The following ESPN variants were observed in gnomAD, a reference collection of about 807,000 sequenced individuals.
ESPN encodes the protein espin.
ESPN carries 68 observed loss-of-function variants against 77.7 expected under a neutral mutation model. The observed-to-expected ratio is 0.87, with a 90% CI of 0.72 to 1.07. The LOEUF is 1.07. Among genes scored for constraint, ESPN ranks in the 50% least tolerant of loss-of-function variants. The pLI is 0.00. For synonymous variants in ESPN, 449 were observed against 567.1 expected (o/e 0.79, Z 2.96); for missense variants, 1,060 against 1,239.0 (o/e 0.86, Z 2.17).
rs1643951973 is a variant in ESPN, at chr1:6,451,918, T to C, written c.2147T>C (p.Leu716Pro). 1 of 1,610,890 alleles carries C rather than the reference T, an allele frequency of 6.2e-7. No homozygotes were observed. The highest frequency in any genetic ancestry group is 8.5e-7 in the Non-Finnish European group (1 of 1,178,908). Residue 716 changes from leucine (L) to proline (P), a missense_variant, in exon 10 of 13, where the codon CTC becomes CCC. Leu to Pro is a moderately conservative substitution (Grantham distance 98). Transcript: ENST00000645284. This position sits in a 1 kb window ranked among gnomAD's most constrained non-coding sequence, Gnocchi z 4.3. ...TPPAAGFQPLLNGSLVPVPPT... is the reference protein window; with the variant it reads ...TPPAAGFQPLPNGSLVPVPPT... Reference sequence around the variant, plus strand: ...CCAGCTGCGGGGTTTCAGCCGCTGCTCAATGGAAGCTTGGTTCCCGTGCCG... The same window carrying C: ...CCAGCTGCGGGGTTTCAGCCGCTGCCCAATGGAAGCTTGGTTCCCGTGCCG...
intron 6 of ESPN, among the ~76,000 whole-genome samples, chr1:6,445,396 G>A (rs1643792491): frequency 6.6e-6 from 1 of 152,234 alleles, no homozygotes; most frequent in South Asian, 2.1e-4. Context: ...CCTTCCAGGT[G>A]ACCCTGCCCT....
chr1:6,454,718 G>T (rs1490003680), intron 10 of ESPN: 2 of 398,052 alleles, frequency 5.0e-6, no homozygotes, highest in Admixed American at 8.8e-5. Flanking sequence ...CCGCCAGCCT[G>T]CCCGCCTGGT....
In ESPN at chr1:6,444,570, G is replaced by C; in HGVS notation, c.1080G>C (p.Thr360=). The change falls in exon 6 of 13, where the codon ACG becomes ACC. Residue 360 remains threonine, a synonymous_variant. Transcript: ENST00000645284. ...PDSGMSSPNT[T]VSVQPLNFDL... is the part of the protein sequence containing the mutation. ...CAGGCATGTCCTCACCCAATACCACGGTGTCGGTCCAGCCGCTGAACTTTG... is the reference window on the plus strand; with the variant it reads ...CAGGCATGTCCTCACCCAATACCACCGTGTCGGTCCAGCCGCTGAACTTTG... 1.9e-6 allele frequency: 3 copies of C among 1,614,200 alleles called. No homozygotes were observed. The highest frequency in any genetic ancestry group is 2.5e-6 in the Non-Finnish European group (3 of 1,180,028).
At chr1:6,432,592 G>T (rs1381405976) in intron 2 of ESPN, among the ~76,000 whole-genome samples, 1 of 152,216 alleles carries the variant, frequency 6.6e-6, no homozygotes, top group Non-Finnish European at 1.5e-5. Flanking sequence ...CTAAGGGGGA[G>T]AGCTGAGCCT....
At chr1:6,434,179 A>G (rs1408244032) in intron 2 of ESPN, among the ~76,000 whole-genome samples, 2 of 152,200 alleles carry the variant, frequency 1.3e-5, no homozygotes, top group South Asian at 2.1e-4. Flanking sequence ...CTGGGATTAC[A>G]GGCATGAGCC....
Position 6,437,909 on chromosome 1 carries a change from G to A in ESPN, c.489-2345G>A, listed in dbSNP as rs1283248633. Among the ~76,000 whole-genome samples, 1 of 151,992 alleles carries A rather than the reference G, an allele frequency of 6.6e-6. No individual in the cohort carries two copies. Among genetic ancestry groups the A allele is most frequent in the South Asian group, 2.1e-4 (1 of 4,816 alleles). On this transcript the variant is annotated intron_variant, in intron 2 of 12. Coordinates refer to ENST00000645284, the MANE Select transcript of ESPN (RefSeq NM_031475.3). The surrounding 1 kb of genome is among the most constrained non-coding windows in gnomAD (Gnocchi z 4.5). ...GGCACACGTGACAGGGGTCAGAAGAGGGGCTAAGTCGTGTTGGGAACAAGA... is the reference window on the plus strand; with the variant it reads ...GGCACACGTGACAGGGGTCAGAAGAAGGGCTAAGTCGTGTTGGGAACAAGA...
chr1:6,458,929 T>C (rs1557721477), intron 12 of ESPN, among the ~76,000 whole-genome samples: 1 of 114,828 alleles, frequency 8.7e-6, no homozygotes, highest in Admixed American at 8.4e-5. Flanking sequence ...TGAGACTCCA[T>C]TTCAAAAAAA....
rs1375653111 is a variant in ESPN at position 6,427,636 on chromosome 1, C to G, written c.295-590C>G. On this transcript the variant is annotated intron_variant, in intron 1 of 12. Coordinates refer to ENST00000645284, the MANE Select transcript of ESPN (RefSeq NM_031475.3). This position sits in a 1 kb window ranked among gnomAD's most constrained non-coding sequence, Gnocchi z 4.6. ...CTCCTGTGGCTGGGCACTGGCGAGTCTGCTGGGGGAGGGGCCGGTTTTCTG... is the reference window on the plus strand; with the variant it reads ...CTCCTGTGGCTGGGCACTGGCGAGTGTGCTGGGGGAGGGGCCGGTTTTCTG... 6.6e-6 allele frequency among the ~76,000 whole-genome samples: 1 copy of G among 152,218 alleles called. No individual in the cohort carries two copies. Among genetic ancestry groups the G allele is most frequent in the Non-Finnish European group, 1.5e-5 (1 of 68,040 alleles).
intron 12 of ESPN, among the ~76,000 whole-genome samples, chr1:6,458,007 C>CT: frequency 8.6e-6 from 1 of 116,548 alleles, no homozygotes; most frequent in South Asian, 2.7e-4. Context: ...CCTCATTCTG[C>CT]GAAAAAAAAA....
In ESPN at chr1:6,445,950, C is replaced by A. The variant is rs774328792; in HGVS notation, c.1464+15C>A. ...TCAAGAAGGAGGTAGTGAGCCCTCA[C>A]CCCCTGCCTGCCTCCCAGCAGGGGG... On this transcript the variant is annotated intron_variant, in intron 7 of 12. Coordinates refer to ENST00000645284, the MANE Select transcript of ESPN (RefSeq NM_031475.3). 31 of 1,606,864 alleles carry A rather than the reference C, an allele frequency of 1.9e-5. No individual in the cohort carries two copies. In the African/African-American group the frequency reaches 4.1e-4, roughly 21 times the overall value.
Position 6,453,557 on chromosome 1 carries a change from G to A in ESPN, c.2325+1461G>A, listed in dbSNP as rs904258723. On this transcript the variant is annotated intron_variant, in intron 10 of 12. Transcript: ENST00000645284. ...GTGAGACAGAGCAGTCTGGAAGTGAGAGTGGATGTGGCCCTGACTGTCCTG... is the reference window on the plus strand; with the variant it reads ...GTGAGACAGAGCAGTCTGGAAGTGAAAGTGGATGTGGCCCTGACTGTCCTG... 2.2e-4 allele frequency among the ~76,000 whole-genome samples: 34 copies of A among 152,226 alleles called. 1 individual carries two copies. The highest frequency in any genetic ancestry group is 8.2e-4 in the African/African-American group (34 of 41,464).
chr1:6,456,362 A>G (rs2148547292), intron 10 of ESPN: 2 of 382,054 alleles, frequency 5.2e-6, no homozygotes, highest in Admixed American at 4.5e-5. Context: ...CTGAGGTCCC[A>G]TCGTGGCGGG....
chr1:6,456,065 C>G (rs528853139), intron 10 of ESPN: 6 of 397,640 alleles, frequency 1.5e-5, no homozygotes, highest in South Asian at 2.5e-4. Context: ...CTCCTGGTTC[C>G]GAAGCCCCCG....
chr1:6,425,250 G>C lies in ESPN; in HGVS notation c.294+1G>C. ...GTCGCAGGGCGGCTGCAGAGTGCAG[G>C]TGGGTCCGCGCGGTTCGCCAGGGGC... On this transcript the variant is annotated splice_donor_variant, in intron 1 of 12. Transcript: ENST00000645284. LOFTEE classifies it high-confidence loss of function. The C allele has an allele frequency of 6.4e-7, 1 of 1,568,264 alleles. No individual in the cohort carries two copies. The highest frequency in any genetic ancestry group is 1.1e-5 in the South Asian group (1 of 87,066).
rs550967579 is a variant in ESPN at position 6,427,379 on chromosome 1, T to C, written c.295-847T>C. On this transcript the variant is annotated intron_variant, in intron 1 of 12. Coordinates refer to ENST00000645284, the MANE Select transcript of ESPN (RefSeq NM_031475.3). This position sits in a 1 kb window ranked among gnomAD's most constrained non-coding sequence, Gnocchi z 4.6. ...AGCACAGGTCCTGTAAGCACTCCCC[T>C]CCAGCCCCTTTCTCAGCAGACACAC... Among the ~76,000 whole-genome samples the C allele has an allele frequency of 3.0e-4, 45 of 152,158 alleles. No individual in the cohort carries two copies. In the South Asian group the frequency reaches 9.1e-3, roughly 31 times the overall value.
intron 2 of ESPN, among the ~76,000 whole-genome samples, chr1:6,436,632 G>T (rs1643446598): frequency 6.6e-6 from 1 of 151,970 alleles, no homozygotes; most frequent in African/African-American, 2.4e-5. Flanking sequence ...AGCCTCCTGA[G>T]CGGCTGGGAC....
chr1:6,449,638 C>T (rs1643911563), intron 8 of ESPN, among the ~76,000 whole-genome samples: 1 of 152,266 alleles, frequency 6.6e-6, no homozygotes. Flanking sequence ...CTCTTCCTAG[C>T]CAGTTTCTGC....
In ESPN at chr1:6,451,522, AG is replaced by A. The variant is rs373598296; in HGVS notation, c.1916-77del. 9.6e-5 allele frequency: 149 copies of A among 1,553,856 alleles called. 2 individuals are homozygous for A. The East Asian group carries it at 2.3e-3, about 24-fold the overall frequency. ...CACCCATCCAATCTTGGCTTAGGAA[AG>A]GGGCTGCAGAGGGGCGGGTGAGGGG... On this transcript the variant is annotated intron_variant, in intron 8 of 12. Coordinates refer to ENST00000645284, the MANE Select transcript of ESPN (RefSeq NM_031475.3). The surrounding 1 kb of genome is among the most constrained non-coding windows in gnomAD (Gnocchi z 4.3).
At position 6,425,150 on chromosome 1, in the gene ESPN, C is replaced by T; in HGVS notation, c.195C>T (p.Ala65=). Residue 65 remains alanine (A), a synonymous_variant, in exon 1 of 13, where the codon GCC becomes GCT. Transcript: ENST00000645284. ...AGGAAGCCGCCCTCCCCGCCGCGGC[C>T]CGCGCCCGCAACGGCGCCACACCGG... The part of the protein sequence containing the change: ...LVEEAALPAA[A]RARNGATPAH... 6.6e-7 allele frequency: 1 copy of T among 1,513,418 alleles called. No homozygotes were observed. Among genetic ancestry groups the T allele is most frequent in the Admixed American group, 2.1e-5 (1 of 48,346 alleles). 93.7% of individuals were successfully genotyped at this position (1,513,418 alleles called of 1,614,324 possible).
Sources: allele counts gnomAD v4.1 joint callset (sites outside exome capture counted in the v4.1 genomes callset), GRCh38; gene constraint gnomAD v4.1.1; non-coding constraint Gnocchi (gnomAD v3.1); transcripts MANE v1.5; gene names NCBI Gene and HGNC (gene_info 2026-07-23, HGNC 2026-07-21).